Variants in TMEFF2 observed in about 807,000 individuals in gnomAD.
TMEFF2 encodes the protein tomoregulin-2.
A neutral mutation model predicts 53.8 loss-of-function variants in TMEFF2; 28 were observed. The observed-to-expected ratio is 0.52, with a 90% CI of 0.39 to 0.71. The LOEUF (loss-of-function observed/expected upper bound fraction) is 0.71, where lower values mean the gene tolerates loss of function less well. TMEFF2 is among the 30% of genes least tolerant of loss of function. The probability of loss-of-function intolerance (pLI) is 0.00; values close to 1 mark genes in which losing one functional copy is unlikely to be tolerated. For missense variants in TMEFF2, 353 were observed against 455.2 expected, an observed-to-expected ratio of 0.78 and a Z score of 2.04; for synonymous variants, 162 against 166.3, an observed-to-expected ratio of 0.97 and a Z score of 0.20.
At chr2:191,983,829 G>A (rs1685912685) in intron 7 of TMEFF2, among the ~76,000 whole-genome samples, 1 of 152,206 alleles carries the variant, frequency 6.6e-6, no homozygotes, top group Non-Finnish European at 1.5e-5. Flanking sequence ...TTCATTTCAA[G>A]TTTTTAGAGA....
intron 1 of TMEFF2, among the ~76,000 whole-genome samples, chr2:192,193,798 A>AGAGAGAGAGAGAGAGAGAGG (rs1559167269): frequency 3.6e-5 from 5 of 139,922 alleles, no homozygotes; most frequent in African/African-American, 1.1e-4. Context: ...AGAGAGAGAG[A>AGAGAGAGAGAGAGAGAGAGG]GAGAGAGAGA....
chr2:192,180,081 A>T (rs548759589), intron 3 of TMEFF2, among the ~76,000 whole-genome samples: 1 of 151,746 alleles, frequency 6.6e-6, no homozygotes, highest in East Asian at 1.9e-4. Flanking sequence ...TGTGGCAAAT[A>T]AACCCATAAT....
At chr2:192,076,020 C>T (rs1181351768) in intron 4 of TMEFF2, among the ~76,000 whole-genome samples, 1 of 151,742 alleles carries the variant, frequency 6.6e-6, no homozygotes, top group African/African-American at 2.4e-5. Flanking sequence ...AAGGAACTAC[C>T]TCTGTGGTCT....
At chr2:192,101,347 G>A (rs572925286) in intron 4 of TMEFF2, among the ~76,000 whole-genome samples, 1 of 152,022 alleles carries the variant, frequency 6.6e-6, no homozygotes, top group East Asian at 1.9e-4. Flanking sequence ...AGAATATATA[G>A]CCAAAAATGG....
chr2:192,103,678 G>A (rs929344812), intron 4 of TMEFF2, among the ~76,000 whole-genome samples: 19 of 152,070 alleles, frequency 1.2e-4, no homozygotes, highest in African/African-American at 1.2e-4. Context: ...TATATGAACC[G>A]TAAATTAAGT....
At chr2:191,962,958 C>T (rs13390583) in intron 7 of TMEFF2, among the ~76,000 whole-genome samples, 2,628 of 152,190 alleles carry the variant, frequency 0.017, 72 homozygotes, top group African/African-American at 0.06. Flanking sequence ...GTGGGTAACT[C>T]CTATCAGTTT....
chr2:192,037,618 GAGAGAGAGGAGAGAAAGAGAGAGAA>G lies in TMEFF2; in HGVS notation c.536+20036_536+20060del, dbSNP rs1219471493. 7.4e-3 allele frequency among the ~76,000 whole-genome samples: 712 copies of G among 96,692 alleles called. 3 individuals are homozygous for G. Among genetic ancestry groups the G allele is most frequent in the East Asian group, 0.068 (139 of 2,030 alleles). 63.4% of individuals were successfully genotyped at this position (96,692 alleles called of 152,430 possible). A position where few individuals can be genotyped will look rare whatever the true frequency, so the allele number is the denominator to read the frequency against. On this transcript the variant is annotated intron_variant, in intron 5 of 9. Transcript: ENST00000272771. ...TGTTTGTGCGTGTGTGAGAGAGAAA[GAGAGAGAGGAGAGAAAGAGAGAGAA>G]AGAGAGAGAGAGAGAGAGAGAGAGA...
chr2:192,119,892 A>C (rs1323527610), intron 4 of TMEFF2, among the ~76,000 whole-genome samples: 1 of 152,170 alleles, frequency 6.6e-6, no homozygotes, highest in Non-Finnish European at 1.5e-5. Flanking sequence ...CTAATTTTTA[A>C]AGCCAACCTG....
chr2:192,109,866 A>G (rs149263172), intron 4 of TMEFF2, among the ~76,000 whole-genome samples: 263 of 152,264 alleles, frequency 1.7e-3, no homozygotes, highest in African/African-American at 6.2e-3. Context: ...TGTGTAAGCA[A>G]TTACACTTCC....
At chr2:192,185,320 T>C (rs1313057194) in intron 2 of TMEFF2, among the ~76,000 whole-genome samples, 1 of 150,290 alleles carries the variant, frequency 6.7e-6, no homozygotes, top group Non-Finnish European at 1.5e-5. Context: ...CTTTGTTCTA[T>C]GCCTGCTAAT....
chr2:192,137,116 G>T (rs972643759), intron 4 of TMEFF2, among the ~76,000 whole-genome samples: 9 of 152,204 alleles, frequency 5.9e-5, no homozygotes, highest in African/African-American at 2.2e-4. Flanking sequence ...ATCGCATATT[G>T]TAAGAAGTGG....
At chr2:192,114,064 TTGTG>T (rs34553641) in intron 4 of TMEFF2, among the ~76,000 whole-genome samples, 12,577 of 143,014 alleles carry the variant, frequency 0.088, 605 homozygotes, top group East Asian at 0.16. Context: ...AATCTGGAAA[TTGTG>T]TGTGTGTGTG....
At chr2:191,963,714 CTA>C (rs1692335398) in intron 7 of TMEFF2, among the ~76,000 whole-genome samples, 1 of 152,148 alleles carries the variant, frequency 6.6e-6, no homozygotes, top group South Asian at 2.1e-4. Flanking sequence ...TGGCACTATG[CTA>C]TGTGTTGTGT....
At chr2:191,962,800 T>G (rs2105793821) in intron 7 of TMEFF2, among the ~76,000 whole-genome samples, 1 of 152,286 alleles carries the variant, frequency 6.6e-6, no homozygotes, top group Admixed American at 6.5e-5. Flanking sequence ...TTGCTCTGTT[T>G]TTTGACTCGG....
At chr2:192,175,006 T>G (rs1041378769) in intron 4 of TMEFF2, among the ~76,000 whole-genome samples, 4 of 151,764 alleles carry the variant, frequency 2.6e-5, no homozygotes, top group African/African-American at 9.7e-5. Context: ...TATTTAACAT[T>G]TTATTTCTTC....
intron 3 of TMEFF2, among the ~76,000 whole-genome samples, chr2:192,182,372 C>A (rs1229035169): frequency 6.6e-6 from 1 of 151,864 alleles, no homozygotes. Context: ...GATCAAAAAC[C>A]TTTTAGATTT....
chr2:191,979,852 C>T (rs138616067), intron 7 of TMEFF2, among the ~76,000 whole-genome samples: 2 of 151,512 alleles, frequency 1.3e-5, no homozygotes, highest in East Asian at 1.9e-4. Flanking sequence ...CTCTATCTAT[C>T]TATCGATCTA....
chr2:192,169,018 T>G (rs1265439605), intron 4 of TMEFF2, among the ~76,000 whole-genome samples: 1 of 152,050 alleles, frequency 6.6e-6, no homozygotes, highest in Non-Finnish European at 1.5e-5. Flanking sequence ...CACACCTGAA[T>G]TAAGCACACT....
At chr2:192,057,614 A>G (rs1243156956) in intron 5 of TMEFF2, 65 bp downstream of exon 5, 1 of 1,305,028 alleles carries the variant, frequency 7.7e-7, no homozygotes, top group Non-Finnish European at 1.1e-6. Context: ...AGAATGGTTG[A>G]TGGTGTTAAA....
Sources: gnomAD v4.1 joint callset for allele counts (sites outside exome capture counted in the v4.1 genomes callset) on GRCh38, gnomAD v4.1.1 for gene constraint, MANE v1.5 for transcripts, NCBI Gene and HGNC (gene_info 2026-07-23, HGNC 2026-07-21) for gene names.